The following CLEC4A variants were observed in gnomAD, a reference collection of about 807,000 sequenced individuals.
CLEC4A encodes the protein C-type lectin domain family 4 member A.
Under a neutral mutation model 32.7 loss-of-function variants are expected in CLEC4A, and 27 were observed. That is an observed-to-expected ratio of 0.83 (90% CI 0.61 to 1.14). CLEC4A has a LOEUF of 1.14. CLEC4A is among the 50% of genes most tolerant of loss of function. The pLI, the probability that CLEC4A is intolerant of heterozygous loss-of-function variation, is 0.00. For synonymous variants in CLEC4A, 89 were observed against 93.7 expected, an observed-to-expected ratio of 0.95 and a Z score of 0.29; for missense variants, 253 against 274.6, an observed-to-expected ratio of 0.92 and a Z score of 0.55.
intron 3 of CLEC4A, 114 bp downstream of exon 3, chr12:8,129,476 T>C (rs940313003): frequency 1.4e-6 from 1 of 721,448 alleles, no homozygotes; most frequent in South Asian, 1.6e-5. Flanking sequence ...AGTCTCACAA[T>C]AATTTAAGCT....
chr12:8,134,755 G>A (rs960354176), intron 3 of CLEC4A: 52 of 1,559,568 alleles, frequency 3.3e-5, no homozygotes, highest in Non-Finnish European at 4.3e-5. Flanking sequence ...AGCCAGGTCC[G>A]AGGATCAACC....
At position 8,123,738 on chromosome 12, in the gene CLEC4A, G is replaced by A. The variant is rs969539215; in HGVS notation, c.-141G>A. 1 of 628,568 alleles carries A rather than the reference G, an allele frequency of 1.6e-6. No homozygotes were observed. The highest frequency in any genetic ancestry group is 1.8e-5 in the African/African-American group (1 of 54,550). The allele number at this position is 628,568 out of a possible 1,614,324, so 38.9% of individuals were successfully genotyped here. ...CATGAGACCCCTCTTGAGGATATGTGCCTATCTGGTGCCTCTGCTCTCCAC... is the reference window on the plus strand; with the variant it reads ...CATGAGACCCCTCTTGAGGATATGTACCTATCTGGTGCCTCTGCTCTCCAC... On this transcript the variant is annotated 5_prime_UTR_variant, in exon 1 of 6. Transcript: ENST00000229332.
At chr12:8,134,979 G>GTTTGTTTTTTTTTTTT (rs1948073595) in intron 3 of CLEC4A, 2 of 166,032 alleles carry the variant, frequency 1.2e-5, no homozygotes, top group African/African-American at 7.2e-5. Flanking sequence ...AAGCGTTTTT[G>GTTTGTTTTTTTTTTTT]TTTTTTGTTT....
upstream of CLEC4A, among the ~76,000 whole-genome samples, chr12:8,122,701 G>A (rs917582202): frequency 2.6e-5 from 4 of 152,100 alleles, no homozygotes; most frequent in African/African-American, 9.7e-5. Flanking sequence ...AATGTGGGAA[G>A]GGAGAAAACT....
At position 8,134,351 on chromosome 12, in the gene CLEC4A, C is replaced by A. The variant is rs1468321034; in HGVS notation, c.299-1234C>A. The A allele has an allele frequency of 1.9e-6, 3 of 1,612,262 alleles. No individual in the cohort carries two copies. In the African/African-American group the frequency reaches 4.0e-5, roughly 22 times the overall value. On this transcript the variant is annotated intron_variant, in intron 3 of 5. Transcript: ENST00000229332. ...CCCAAATAGAACCCCCAGGGTGAGC[C>A]ACATCGGCCTGTGTATATCCCAGGG...
At chr12:8,121,331 T>C (rs1947829065), upstream of CLEC4A, 1 of 152,252 alleles carries the variant, frequency 6.6e-6, no homozygotes, top group Non-Finnish European at 1.5e-5. Flanking sequence ...GTGCATGTGC[T>C]GGTTAGGCCC....
rs1482435797 is a variant in CLEC4A, at chr12:8,134,986, G to GTTTTTTTTTTTTTTTTT, written c.299-590_299-589insTTTTTTTTTTTTTTTTT. ...TCTTGTTGAAGCGTTTTTGTTTTTTGTTTTTTTTTAATCATGGCTGCTTTT... is the reference window on the plus strand; with the variant it reads ...TCTTGTTGAAGCGTTTTTGTTTTTTGTTTTTTTTTTTTTTTTTTTTTTTTTTAATCATGGCTGCTTTT... On this transcript the variant is annotated intron_variant, in intron 3 of 5. Coordinates refer to ENST00000229332, the MANE Select transcript of CLEC4A (RefSeq NM_016184.4). The GTTTTTTTTTTTTTTTTT allele has an allele frequency of 9.4e-5, 13 of 138,884 alleles. 1 individual carries two copies. The highest frequency in any genetic ancestry group is 4.9e-4 in the African/African-American group (8 of 16,260). 8.6% of individuals were successfully genotyped at this position (138,884 alleles called of 1,614,324 possible). A position where few individuals can be genotyped will look rare whatever the true frequency, so the allele number is the denominator to read the frequency against.
intron 3 of CLEC4A, among the ~76,000 whole-genome samples, chr12:8,130,673 C>A (rs1947981548): frequency 6.6e-6 from 1 of 152,182 alleles, no homozygotes; most frequent in South Asian, 2.1e-4. Flanking sequence ...AGCTACCATG[C>A]CCGGCCAATA....
chr12:8,115,126 A>G, the CLEC4A span, among the ~76,000 whole-genome samples: 6 of 152,294 alleles, frequency 3.9e-5, no homozygotes, highest in African/African-American at 1.4e-4. Context: ...GACCACCTGA[A>G]CAGCCTTTTC....
Position 8,138,295 on chromosome 12 carries a change from A to G in CLEC4A, c.*8A>G, listed in dbSNP as rs745897542. On this transcript the variant is annotated 3_prime_UTR_variant, in exon 6 of 6. Coordinates refer to ENST00000229332, the MANE Select transcript of CLEC4A (RefSeq NM_016184.4). ...ATGAAGATCCACTTATGAACTGAAC[A>G]TTCTCCATGAACAGGTGGTTGGATT... 1 of 1,614,102 alleles carries G rather than the reference A, an allele frequency of 6.2e-7. No individual in the cohort carries two copies. Among genetic ancestry groups the G allele is most frequent in the Non-Finnish European group, 8.5e-7 (1 of 1,179,974 alleles).
the CLEC4A span, among the ~76,000 whole-genome samples, chr12:8,113,081 A>G: frequency 6.6e-6 from 1 of 151,036 alleles, no homozygotes; most frequent in Non-Finnish European, 1.5e-5. Context: ...CTCGTCATTT[A>G]CATTAGGTAT....
intron 3 of CLEC4A, chr12:8,134,599 C>G: frequency 6.2e-7 from 1 of 1,612,642 alleles, no homozygotes; most frequent in African/African-American, 1.3e-5. Context: ...TCTTGGGGCA[C>G]TAGCCCCACT....
At chr12:8,106,578 G>C in the CLEC4A span, among the ~76,000 whole-genome samples, 1 of 152,118 alleles carries the variant, frequency 6.6e-6, no homozygotes, top group Non-Finnish European at 1.5e-5. Context: ...GCAGTGTTTT[G>C]TAATACTTGC....
At chr12:8,109,233 G>C in the CLEC4A span, among the ~76,000 whole-genome samples, 1 of 152,026 alleles carries the variant, frequency 6.6e-6, no homozygotes, top group African/African-American at 2.4e-5. Flanking sequence ...TAGCTGTTTG[G>C]GCAGGCAGAA....
At chr12:8,134,374 G>C (rs1157251408) in intron 3 of CLEC4A, 27 of 1,613,230 alleles carry the variant, frequency 1.7e-5, no homozygotes, top group Non-Finnish European at 2.2e-5. Flanking sequence ...GTATATCCCA[G>C]GGTGATCCTC....
At chr12:8,134,973 GT>G (rs371181779) in intron 3 of CLEC4A, 1 of 290,640 alleles carries the variant, frequency 3.4e-6, no homozygotes, top group African/African-American at 5.2e-5. Flanking sequence ...TTGTTGAAGC[GT>G]TTTTGTTTTT....
chr12:8,130,774 C>T (rs998457106), intron 3 of CLEC4A, among the ~76,000 whole-genome samples: 4 of 152,192 alleles, frequency 2.6e-5, no homozygotes, highest in African/African-American at 9.7e-5. Flanking sequence ...CACACATGCT[C>T]TCCCCTATTG....
At chr12:8,119,489 G>T (rs1243355986), upstream of CLEC4A, among the ~76,000 whole-genome samples, 2 of 152,198 alleles carry the variant, frequency 1.3e-5, no homozygotes, top group Non-Finnish European at 2.9e-5. Context: ...CTCCCAAAGT[G>T]CTGGGATTAC....
chr12:8,124,535 C>T (rs188891997), intron 1 of CLEC4A, among the ~76,000 whole-genome samples: 20 of 152,250 alleles, frequency 1.3e-4, no homozygotes, highest in African/African-American at 4.6e-4. Flanking sequence ...CGTGTTGCAT[C>T]TCTGAGACAG....
Sources: gnomAD v4.1 joint callset for allele counts (sites outside exome capture counted in the v4.1 genomes callset) on GRCh38, gnomAD v4.1.1 for gene constraint, MANE v1.5 for transcripts, NCBI Gene and HGNC (gene_info 2026-07-23, HGNC 2026-07-21) for gene names.